C7orf33: variants seen among roughly 807,000 people sequenced by gnomAD.
The protein encoded by C7orf33 is uncharacterized protein C7orf33.
In C7orf33, 15 loss-of-function variants were observed where a neutral mutation model predicts 13.4. The observed-to-expected ratio is 1.12, with a 90% CI of 0.75 to 1.72. The LOEUF is 1.72. Among genes scored for constraint, C7orf33 ranks in the 40% most tolerant of loss-of-function variants. The probability of loss-of-function intolerance (pLI) is 0.00; values close to 1 mark genes in which losing one functional copy is unlikely to be tolerated. For missense variants in C7orf33, 187 were observed against 220.3 expected (o/e 0.85, Z 0.96); for synonymous variants, 73 against 83.2 (o/e 0.88, Z 0.67).
At chr7:148,598,944 C>T (rs1471241081) in intron 1 of C7orf33, among the ~76,000 whole-genome samples, 2 of 151,752 alleles carry the variant, frequency 1.3e-5, no homozygotes, top group African/African-American at 4.8e-5. Flanking sequence ...CTCACTGCAA[C>T]CTCCGCCTCC....
At chr7:148,597,814 G>A (rs1042015748) in intron 1 of C7orf33, among the ~76,000 whole-genome samples, 3 of 152,074 alleles carry the variant, frequency 2.0e-5, no homozygotes, top group African/African-American at 7.2e-5. Context: ...GGAGTGCAGT[G>A]GCGTGATCTC....
intron 1 of C7orf33, among the ~76,000 whole-genome samples, chr7:148,604,091 C>G (rs56346626): frequency 0.017 from 2,609 of 151,234 alleles, 77 homozygotes; most frequent in African/African-American, 0.06. Flanking sequence ...ACATTCGCAG[C>G]AACCTGGATG....
chr7:148,597,933 T>C (rs1340869950), intron 1 of C7orf33, among the ~76,000 whole-genome samples: 1 of 152,106 alleles, frequency 6.6e-6, no homozygotes, highest in East Asian at 1.9e-4. Context: ...TTTTTTGTAT[T>C]TTTAGTAGAG....
At chr7:148,595,448 ATATT>A (rs1239147487) in intron 1 of C7orf33, among the ~76,000 whole-genome samples, 2 of 130,082 alleles carry the variant, frequency 1.5e-5, no homozygotes, top group Non-Finnish European at 3.1e-5. Flanking sequence ...ATATAGATAT[ATATT>A]ATATAGCTAT....
intron 1 of C7orf33, among the ~76,000 whole-genome samples, chr7:148,609,858 T>C (rs1796515364): frequency 6.6e-6 from 1 of 152,210 alleles, no homozygotes; most frequent in African/African-American, 2.4e-5. Context: ...CTGAGTGGGC[T>C]ACCAACAGTG....
chr7:148,595,288 A>C (rs1044749512), intron 1 of C7orf33, among the ~76,000 whole-genome samples: 35 of 141,982 alleles, frequency 2.5e-4, no homozygotes, highest in East Asian at 6.1e-4. Context: ...TTATATAGAT[A>C]TATATTATAT....
At chr7:148,606,556 G>A (rs1453433454) in intron 1 of C7orf33, among the ~76,000 whole-genome samples, 2 of 151,998 alleles carry the variant, frequency 1.3e-5, no homozygotes, top group African/African-American at 4.8e-5. Flanking sequence ...AAAAATCATT[G>A]TTTCCTCAAT....
intron 1 of C7orf33, among the ~76,000 whole-genome samples, chr7:148,593,624 T>G (rs1272743875): frequency 6.6e-6 from 1 of 152,150 alleles, no homozygotes; most frequent in Non-Finnish European, 1.5e-5. Flanking sequence ...TAAAGTTAGT[T>G]TTTATTTTAA....
intron 1 of C7orf33, among the ~76,000 whole-genome samples, chr7:148,608,868 G>A (rs967638827): frequency 3.9e-5 from 6 of 152,112 alleles, no homozygotes; most frequent in African/African-American, 1.4e-4. Context: ...CTGTGAATGT[G>A]GCTTGTCCAT....
In C7orf33 at chr7:148,590,879, G is replaced by A. The variant is rs375844560; in HGVS notation, c.-47G>A. 26 of 1,547,288 alleles carry A rather than the reference G, an allele frequency of 1.7e-5. No individual in the cohort carries two copies. The highest frequency in any genetic ancestry group is 4.1e-5 in the African/African-American group (3 of 73,644). ...TGATCTTAGATATTGGTGGTGAAGC[G>A]CCGCTCTCCTTGACAGCATCCAGGA... On this transcript the variant is annotated 5_prime_UTR_variant, in exon 1 of 3. Coordinates refer to ENST00000307003, the MANE Select transcript of C7orf33 (RefSeq NM_145304.4).
At chr7:148,595,391 TATATC>T (rs1449331087) in intron 1 of C7orf33, among the ~76,000 whole-genome samples, 4 of 135,312 alleles carry the variant, frequency 3.0e-5, no homozygotes, top group Non-Finnish European at 4.6e-5. Flanking sequence ...ATTATATAGA[TATATC>T]ATAGATAATA....
chr7:148,600,000 A>G (rs1796394374), intron 1 of C7orf33, among the ~76,000 whole-genome samples: 1 of 152,226 alleles, frequency 6.6e-6, no homozygotes, highest in South Asian at 2.1e-4. Flanking sequence ...CGTGTAGGAA[A>G]GAGCCTCCTC....
Position 148,590,883 on chromosome 7 carries a change from C to A in C7orf33, c.-43C>A. On this transcript the variant is annotated 5_prime_UTR_variant, in exon 1 of 3. Transcript: ENST00000307003. ...CTTAGATATTGGTGGTGAAGCGCCG[C>A]TCTCCTTGACAGCATCCAGGAAAGG... The A allele has an allele frequency of 6.3e-7, 1 of 1,575,202 alleles. No homozygotes were observed. The highest frequency in any genetic ancestry group is 8.7e-7 in the Non-Finnish European group (1 of 1,144,976).
intron 1 of C7orf33, among the ~76,000 whole-genome samples, chr7:148,592,516 ATT>A (rs11373127): frequency 1.1e-4 from 15 of 140,786 alleles, no homozygotes; most frequent in South Asian, 2.5e-4. Context: ...GGTAGATAGG[ATT>A]TTTTTTTTTT....
chr7:148,591,381 G>A (rs1796267856), intron 1 of C7orf33, among the ~76,000 whole-genome samples: 1 of 152,170 alleles, frequency 6.6e-6, no homozygotes, highest in Non-Finnish European at 1.5e-5. Flanking sequence ...GAGTCATGTT[G>A]ATTTGAAAAA....
rs1211929449 is a variant in C7orf33, at chr7:148,591,070, G to T, written c.145G>T (p.Val49Phe). ...GAGTGGGAGGGCAGTCGCTGTTTGG[G>T]TCCACGTTAGGGGCGGTCCAGGTCA... ...RLSGRAVAVW[V>F]HVRGGPGQFN... The change falls in exon 1 of 3, where the codon GTC becomes TTC. Residue 49 changes from valine to phenylalanine, a missense_variant. Val to Phe is a conservative substitution (Grantham distance 50, BLOSUM62 -1). Transcript: ENST00000307003. The T allele has an allele frequency of 3.7e-6, 6 of 1,613,940 alleles. No individual in the cohort carries two copies. Among genetic ancestry groups the T allele is most frequent in the Non-Finnish European group, 5.1e-6 (6 of 1,180,012 alleles).
intron 1 of C7orf33, among the ~76,000 whole-genome samples, chr7:148,606,495 T>C (rs777483760): frequency 1.3e-5 from 2 of 152,066 alleles, no homozygotes; most frequent in Non-Finnish European, 2.9e-5. Context: ...AACATTGATA[T>C]TACAAACAAA....
intron 1 of C7orf33, among the ~76,000 whole-genome samples, chr7:148,611,653 G>A (rs1210920841): frequency 6.6e-6 from 1 of 152,222 alleles, no homozygotes; most frequent in African/African-American, 2.4e-5. Context: ...CCAGAGCTCA[G>A]GGAACAGAGG....
chr7:148,599,472 T>A (rs1386794292), intron 1 of C7orf33, among the ~76,000 whole-genome samples: 1 of 118,924 alleles, frequency 8.4e-6, no homozygotes, highest in Non-Finnish European at 1.7e-5. Flanking sequence ...TTCTCAGATT[T>A]TTTTTTTTTT....
Sources: allele counts gnomAD v4.1 joint callset (sites outside exome capture counted in the v4.1 genomes callset), GRCh38; gene constraint gnomAD v4.1.1; transcripts MANE v1.5; gene names NCBI Gene and HGNC (gene_info 2026-07-23, HGNC 2026-07-21).